The following CNTN3 variants were observed in gnomAD, a reference collection of about 807,000 sequenced individuals.
CNTN3 encodes the protein contactin 3.
A neutral mutation model predicts 119.1 loss-of-function variants in CNTN3; 60 were observed. The ratio of observed to expected loss-of-function variants is 0.50; its 90% confidence interval spans 0.41 to 0.62. The LOEUF is 0.62. Ranked by LOEUF, CNTN3 falls within the 20% of genes least tolerant of loss-of-function variation. The pLI is 0.00. For synonymous variants in CNTN3, 450 were observed against 438.7 expected, an observed-to-expected ratio of 1.03 and a Z score of -0.32; for missense variants, 1,101 against 1,242.4, an observed-to-expected ratio of 0.89 and a Z score of 1.71.
intron 1 of CNTN3, among the ~76,000 whole-genome samples, chr3:74,587,262 C>T (rs924769667): frequency 6.6e-6 from 1 of 151,998 alleles, no homozygotes; most frequent in Non-Finnish European, 1.5e-5. Context: ...TTACAAATGT[C>T]ATTGTTTTCC....
chr3:74,468,369 AT>A (rs1388664875), intron 4 of CNTN3, among the ~76,000 whole-genome samples: 2 of 152,310 alleles, frequency 1.3e-5, no homozygotes, highest in Middle Eastern at 3.4e-3. Context: ...GAAAATCTAG[AT>A]TTTTTTTAAA....
chr3:74,536,619 G>A (rs1356258386), intron 1 of CNTN3, among the ~76,000 whole-genome samples: 2 of 152,020 alleles, frequency 1.3e-5, no homozygotes, highest in African/African-American at 4.8e-5. Context: ...ATATGCTCCT[G>A]GAATGAACTT....
In CNTN3 at chr3:74,371,183, GA is replaced by G. The variant is rs1704328978; in HGVS notation, c.658+12del. The G allele has an allele frequency of 6.2e-7, 1 of 1,603,400 alleles. No individual in the cohort carries two copies. Among genetic ancestry groups the G allele is most frequent in the Non-Finnish European group, 8.5e-7 (1 of 1,170,844 alleles). On this transcript the variant is annotated intron_variant, in intron 6 of 22. Coordinates refer to ENST00000263665, the MANE Select transcript of CNTN3 (RefSeq NM_020872.3). ...ATTTACGCTCAGAAGTGCACTTGGA[GA>G]AGTTTCATTACCATCAGAACGTAGC...
rs562425971 is a variant in CNTN3, at chr3:74,455,669, TG to T, written c.359-30730del. ...GTCTTTGATGATGGTGATGTACAGA[TG>T]TTTTTTTTGGTGTGGATGTCCTTTC... On this transcript the variant is annotated intron_variant, in intron 4 of 22. Transcript: ENST00000263665. 5.1e-4 allele frequency among the ~76,000 whole-genome samples: 77 copies of T among 152,206 alleles called. 1 individual carries two copies. In the East Asian group the frequency reaches 9.7e-3, roughly 19 times the overall value.
chr3:74,358,227 T>C (rs900783478), intron 11 of CNTN3, among the ~76,000 whole-genome samples: 7 of 152,224 alleles, frequency 4.6e-5, no homozygotes, highest in Non-Finnish European at 8.8e-5. Flanking sequence ...CTTAAATATG[T>C]TCCCTCTTTT....
At chr3:74,402,268 A>G (rs772579852) in intron 5 of CNTN3, among the ~76,000 whole-genome samples, 1 of 152,120 alleles carries the variant, frequency 6.6e-6, no homozygotes, top group Non-Finnish European at 1.5e-5. Context: ...TGTTTAAGGG[A>G]TGGATATGAA....
At chr3:74,360,056 C>G (rs1292036585) in intron 11 of CNTN3, among the ~76,000 whole-genome samples, 1 of 152,176 alleles carries the variant, frequency 6.6e-6, no homozygotes, top group Non-Finnish European at 1.5e-5. Context: ...ACAATTTTAT[C>G]TTGTCATCCT....
At chr3:74,266,741 C>A in intron 21 of CNTN3, 92 bp from the exon 22 acceptor site, 1 of 1,083,930 alleles carries the variant, frequency 9.2e-7, no homozygotes, top group Non-Finnish European at 1.4e-6. Context: ...CTAATTTTGT[C>A]CTTCTATATC....
At chr3:74,463,921 T>A (rs1049083833) in intron 4 of CNTN3, among the ~76,000 whole-genome samples, 5 of 152,140 alleles carry the variant, frequency 3.3e-5, no homozygotes, top group African/African-American at 1.2e-4. Flanking sequence ...AGCATATGTA[T>A]CTGTTTTTAC....
intron 4 of CNTN3, among the ~76,000 whole-genome samples, chr3:74,446,205 A>G (rs1702045528): frequency 6.6e-6 from 1 of 152,236 alleles, no homozygotes; most frequent in African/African-American, 2.4e-5. Flanking sequence ...AGATGGTAGT[A>G]ATACGTACCT....
At chr3:74,498,550 G>C (rs1703105076) in intron 3 of CNTN3, among the ~76,000 whole-genome samples, 1 of 151,736 alleles carries the variant, frequency 6.6e-6, no homozygotes, top group African/African-American at 2.4e-5. Context: ...AAATATTGTT[G>C]AAAGAGACTG....
chr3:74,294,433 C>T (rs986344788), intron 19 of CNTN3, among the ~76,000 whole-genome samples: 2 of 152,132 alleles, frequency 1.3e-5, no homozygotes, highest in Admixed American at 1.3e-4. Flanking sequence ...TGGGCCTCTA[C>T]TCCTCTGCTT....
chr3:74,267,535 G>A, intron 20 of CNTN3, 157 bp from the exon 21 acceptor site: 1 of 523,770 alleles, frequency 1.9e-6, no homozygotes, highest in South Asian at 3.1e-5. Context: ...AAATAACAGA[G>A]TATATAAATT....
At chr3:74,332,901 T>A (rs1703300480) in intron 13 of CNTN3, among the ~76,000 whole-genome samples, 1 of 152,246 alleles carries the variant, frequency 6.6e-6, no homozygotes, top group Non-Finnish European at 1.5e-5. Context: ...AGTAACATTT[T>A]AGGCTTCTTC....
chr3:74,315,660 T>G (rs529655), intron 13 of CNTN3, among the ~76,000 whole-genome samples: 145,714 of 152,288 alleles, frequency 0.96, 69,727 homozygotes, highest in East Asian at 1. Flanking sequence ...AATACTTGGA[T>G]ATTAAATTAC....
chr3:74,459,415 C>T (rs188132350), intron 4 of CNTN3, among the ~76,000 whole-genome samples: 70 of 152,110 alleles, frequency 4.6e-4, no homozygotes, highest in Non-Finnish European at 8.2e-4. Flanking sequence ...AGACAATCTT[C>T]CAAGTGCAAA....
chr3:74,533,333 T>G lies in CNTN3; in HGVS notation c.-80-12141A>C, dbSNP rs1268527057. Among the ~76,000 whole-genome samples, 4 of 151,934 alleles carry G rather than the reference T, an allele frequency of 2.6e-5. 1 individual carries two copies. Among genetic ancestry groups the G allele is most frequent in the Admixed American group, 2.6e-4 (4 of 15,220 alleles). Reference sequence around the variant, plus strand: ...AGGCTAAACATACAAGCAAACATGCTCAAAGCACTCAGACACATTTAGGAG... The same window carrying G: ...AGGCTAAACATACAAGCAAACATGCGCAAAGCACTCAGACACATTTAGGAG... On this transcript the variant is annotated intron_variant, in intron 1 of 22. Coordinates refer to ENST00000263665, the MANE Select transcript of CNTN3 (RefSeq NM_020872.3).
chr3:74,379,518 A>G (rs140044722), intron 5 of CNTN3, among the ~76,000 whole-genome samples: 3 of 152,236 alleles, frequency 2.0e-5, no homozygotes, highest in Non-Finnish European at 4.4e-5. Flanking sequence ...CACGTACCCA[A>G]CTGAAGTGCT....
At chr3:74,322,465 T>C (rs1201372018) in intron 13 of CNTN3, among the ~76,000 whole-genome samples, 2 of 152,182 alleles carry the variant, frequency 1.3e-5, no homozygotes, top group Non-Finnish European at 2.9e-5. Context: ...ATCTATTAGA[T>C]TGGCCAAAAT....
Sources: gnomAD v4.1 joint callset for allele counts (sites outside exome capture counted in the v4.1 genomes callset) on GRCh38, gnomAD v4.1.1 for gene constraint, MANE v1.5 for transcripts, NCBI Gene and HGNC (gene_info 2026-07-23, HGNC 2026-07-21) for gene names.